Variants in NFXL1 observed in about 807,000 individuals in gnomAD.
NFXL1 encodes nuclear transcription factor, X-box binding like 1, also known as NF-X1-type zinc finger protein NFXL1.
NFXL1 carries 66 observed loss-of-function variants against 123.3 expected under a neutral mutation model. That is an observed-to-expected ratio of 0.54 (90% confidence interval 0.44 to 0.66). NFXL1 has a LOEUF of 0.66. NFXL1 is among the 30% of genes least tolerant of loss of function. The probability of loss-of-function intolerance (pLI) is 0.00; values close to 1 mark genes in which losing one functional copy is unlikely to be tolerated. For synonymous variants in NFXL1, 346 were observed against 360.8 expected, an observed-to-expected ratio of 0.96 and a Z score of 0.46; for missense variants, 944 against 1,125.6, an observed-to-expected ratio of 0.84 and a Z score of 2.31.
At chr4:47,855,473 G>A (rs1369642890) in intron 19 of NFXL1, among the ~76,000 whole-genome samples, 1 of 151,834 alleles carries the variant, frequency 6.6e-6, no homozygotes, top group South Asian at 2.1e-4. Context: ...TGGAATGTAA[G>A]CAAGTACAGG....
chr4:47,865,564 T>C (rs1483517821), intron 18 of NFXL1, among the ~76,000 whole-genome samples: 2 of 148,898 alleles, frequency 1.3e-5, no homozygotes, highest in Admixed American at 6.7e-5. Context: ...GCTAGTGGAG[T>C]TCTGAAAAAA....
intron 8 of NFXL1, 124 bp from the exon 9 acceptor site, chr4:47,898,205 T>C: frequency 1.6e-6 from 1 of 611,358 alleles, no homozygotes. Context: ...CATATTATTT[T>C]ACTTTATATT....
At chr4:47,908,725 G>C (rs1432746248) in intron 3 of NFXL1, among the ~76,000 whole-genome samples, 1 of 152,044 alleles carries the variant, frequency 6.6e-6, no homozygotes, top group Non-Finnish European at 1.5e-5. Flanking sequence ...GGAGGCCGAG[G>C]CGGGCGGATC....
At chr4:47,881,123 A>G (rs1736091610) in intron 15 of NFXL1, among the ~76,000 whole-genome samples, 1 of 152,108 alleles carries the variant, frequency 6.6e-6, no homozygotes, top group African/African-American at 2.4e-5. Flanking sequence ...CTATAGATAT[A>G]GATATCTATA....
intron 12 of NFXL1, among the ~76,000 whole-genome samples, chr4:47,888,643 G>A (rs1441939099): frequency 6.6e-6 from 1 of 152,062 alleles, no homozygotes; most frequent in Non-Finnish European, 1.5e-5. Context: ...CAAAAATATA[G>A]AGGACAGAGG....
intron 22 of NFXL1, 61 bp from the exon 23 acceptor site, chr4:47,848,397 A>C (rs1658863250): frequency 7.7e-7 from 1 of 1,297,264 alleles, no homozygotes. Flanking sequence ...GAAAGTTTCC[A>C]TTTACATAAA....
intron 5 of NFXL1, among the ~76,000 whole-genome samples, chr4:47,902,165 C>A (rs746302667): frequency 2.0e-5 from 3 of 151,554 alleles, no homozygotes; most frequent in Non-Finnish European, 4.4e-5. Context: ...CTGGGCAATA[C>A]AGCAAAACTC....
intron 22 of NFXL1, among the ~76,000 whole-genome samples, chr4:47,849,886 C>T (rs1734018282): frequency 6.6e-6 from 1 of 152,010 alleles, no homozygotes; most frequent in Admixed American, 6.6e-5. Flanking sequence ...TTTCCTATAA[C>T]ACCTAATAAC....
At chr4:47,850,704 C>A (rs554183695) in intron 22 of NFXL1, among the ~76,000 whole-genome samples, 2 of 151,980 alleles carry the variant, frequency 1.3e-5, no homozygotes, top group African/African-American at 4.8e-5. Flanking sequence ...AGGTGGTCTG[C>A]AACTCAGTAA....
intron 19 of NFXL1, among the ~76,000 whole-genome samples, chr4:47,858,687 A>G (rs1734555382): frequency 6.6e-6 from 1 of 152,214 alleles, no homozygotes; most frequent in African/African-American, 2.4e-5. Flanking sequence ...CTGTAAATAA[A>G]AGTAAGGAAA....
chr4:47,910,180 T>C (rs1737755261), intron 3 of NFXL1, among the ~76,000 whole-genome samples: 1 of 151,676 alleles, frequency 6.6e-6, no homozygotes, highest in South Asian at 2.1e-4. Context: ...GAAATTTAGG[T>C]TTTTTAAAAA....
chr4:47,913,676 C>A (rs980485868), intron 2 of NFXL1, among the ~76,000 whole-genome samples: 3 of 152,218 alleles, frequency 2.0e-5, no homozygotes, highest in Non-Finnish European at 4.4e-5. Flanking sequence ...TAGACCAAAT[C>A]AGAACACCGG....
chr4:47,851,393 ATT>A (rs1734108323), intron 21 of NFXL1, among the ~76,000 whole-genome samples: 2 of 152,136 alleles, frequency 1.3e-5, no homozygotes, highest in African/African-American at 2.4e-5. Flanking sequence ...TAAAATCGGT[ATT>A]ACATCGTAAT....
At chr4:47,876,050 T>C (rs932273189) in intron 17 of NFXL1, among the ~76,000 whole-genome samples, 1 of 152,144 alleles carries the variant, frequency 6.6e-6, no homozygotes, top group Non-Finnish European at 1.5e-5. Flanking sequence ...TCAAACATTT[T>C]TATTATCATT....
chr4:47,851,285 C>T (rs1734103329), intron 21 of NFXL1, 137 bp from the exon 22 acceptor site: 1 of 649,566 alleles, frequency 1.5e-6, no homozygotes, highest in Non-Finnish European at 2.7e-6. Flanking sequence ...AATGTAAATG[C>T]TATACTGAGA....
rs1473217144 is a variant in NFXL1 at position 47,914,522 on chromosome 4, C to A, written c.-160G>T. On this transcript the variant is annotated 5_prime_UTR_variant, in exon 1 of 23. Coordinates refer to ENST00000507489, the MANE Select transcript of NFXL1 (RefSeq NM_001278624.2). ...ACCGCCTCCTCAGCCTCTGCGGGAG[C>A]GTGGTAGGGGAAGAGTCACAGACTG... The A allele has an allele frequency of 2.0e-5, 6 of 296,778 alleles. No homozygotes were observed. Among genetic ancestry groups the A allele is most frequent in the African/African-American group, 1.1e-4 (5 of 46,410 alleles). The allele number at this position is 296,778 out of a possible 1,614,324, so 18.4% of individuals were successfully genotyped here. A position where few individuals can be genotyped will look rare whatever the true frequency, so the allele number is the denominator to read the frequency against.
At position 47,847,344 on chromosome 4, in the gene NFXL1, CTATT is replaced by C. The variant is rs1290983047; in HGVS notation, c.*815_*818del. On this transcript the variant is annotated 3_prime_UTR_variant, in exon 23 of 23. Coordinates refer to ENST00000507489, the MANE Select transcript of NFXL1 (RefSeq NM_001278624.2). ...ACAGATTTGACTTACTGATATTTCT[CTATT>C]TGTTTTCATAAGAACTGATTATTTT... The C allele has an allele frequency of 6.6e-6, 1 of 152,076 alleles. No homozygotes were observed. The highest frequency in any genetic ancestry group is 2.4e-5 in the African/African-American group (1 of 41,424). The allele number at this position is 152,076 out of a possible 1,614,324, so 9.4% of individuals were successfully genotyped here.
chr4:47,897,855 C>T, intron 9 of NFXL1, 112 bp downstream of exon 9: 1 of 610,440 alleles, frequency 1.6e-6, no homozygotes, highest in South Asian at 2.7e-5. Context: ...TTCAGACTGG[C>T]TTCTTTCATT....
At chr4:47,867,926 T>C (rs1444825927) in intron 18 of NFXL1, among the ~76,000 whole-genome samples, 4 of 152,212 alleles carry the variant, frequency 2.6e-5, no homozygotes, top group Non-Finnish European at 4.4e-5. Context: ...ACAAGCTCTC[T>C]TGGAGAAACT....
Sources: allele counts gnomAD v4.1 joint callset (sites outside exome capture counted in the v4.1 genomes callset), GRCh38; gene constraint gnomAD v4.1.1; transcripts MANE v1.5; gene names NCBI Gene and HGNC (gene_info 2026-07-23, HGNC 2026-07-21).